TSHZ2: variants seen among roughly 807,000 people sequenced by gnomAD.
TSHZ2 encodes teashirt zinc finger homeobox 2, also known as teashirt homolog 2.
A neutral mutation model predicts 74.4 loss-of-function variants in TSHZ2; 21 were observed. The ratio of observed to expected loss-of-function variants is 0.28; its 90% CI spans 0.20 to 0.41. TSHZ2 has a LOEUF of 0.41. TSHZ2 is among the 10% of genes least tolerant of loss of function. The pLI is 1.00. For missense variants in TSHZ2, 1,244 were observed against 1,293.5 expected, an observed-to-expected ratio of 0.96 and a Z score of 0.59; for synonymous variants, 540 against 515.3, an observed-to-expected ratio of 1.05 and a Z score of -0.65.
intron 2 of TSHZ2, among the ~76,000 whole-genome samples, chr20:53,390,977 G>A (rs374442422): frequency 3.3e-5 from 5 of 152,206 alleles, no homozygotes; most frequent in African/African-American, 9.6e-5. Flanking sequence ...GATGCAATGT[G>A]AAGCAGCCAT....
intron 2 of TSHZ2, among the ~76,000 whole-genome samples, chr20:53,277,440 A>G (rs146239252): frequency 1.3e-5 from 2 of 150,504 alleles, no homozygotes; most frequent in African/African-American, 2.5e-5. Context: ...TGCAAAAAAA[A>G]CCAAAAAACT....
intron 2 of TSHZ2, among the ~76,000 whole-genome samples, chr20:53,305,029 A>G (rs1485443836): frequency 2.1e-5 from 3 of 145,130 alleles, no homozygotes; most frequent in Admixed American, 6.8e-5. Flanking sequence ...TCCGCCTCCC[A>G]GGTTCACGCC....
At chr20:53,260,433 T>C (rs1410366296) in intron 2 of TSHZ2, among the ~76,000 whole-genome samples, 1 of 152,140 alleles carries the variant, frequency 6.6e-6, no homozygotes, top group Non-Finnish European at 1.5e-5. Context: ...ACTGTGCTAA[T>C]TCCCAGGGAG....
chr20:53,348,728 A>G (rs547271078), intron 2 of TSHZ2, among the ~76,000 whole-genome samples: 3 of 152,308 alleles, frequency 2.0e-5, no homozygotes, highest in South Asian at 2.1e-4. Flanking sequence ...GTTTTGTTTC[A>G]ATGTCAAGCT....
chr20:53,359,768 T>C (rs926835895), intron 2 of TSHZ2, among the ~76,000 whole-genome samples: 2 of 151,976 alleles, frequency 1.3e-5, no homozygotes, highest in Admixed American at 1.3e-4. Flanking sequence ...GGAGATCAAG[T>C]CAGAAAGGCA....
intron 1 of TSHZ2, among the ~76,000 whole-genome samples, chr20:53,145,045 A>G (rs1263476445): frequency 1.3e-5 from 2 of 152,242 alleles, no homozygotes; most frequent in Non-Finnish European, 2.9e-5. Context: ...ATGTAATTCC[A>G]CAAGAATGTA....
chr20:53,456,123 G>A (rs1433676598), intron 2 of TSHZ2, among the ~76,000 whole-genome samples: 1 of 151,866 alleles, frequency 6.6e-6, no homozygotes, highest in East Asian at 1.9e-4. Flanking sequence ...CTAGATCCCT[G>A]AGGAATCGCC....
At chr20:53,366,221 T>C (rs555839293) in intron 2 of TSHZ2, among the ~76,000 whole-genome samples, 2 of 152,336 alleles carry the variant, frequency 1.3e-5, no homozygotes, top group South Asian at 4.1e-4. Flanking sequence ...CTGCCCACTG[T>C]GGAGACAAAG....
chr20:53,415,824 A>ACACG (rs1555860962), intron 2 of TSHZ2, among the ~76,000 whole-genome samples: 60 of 116,136 alleles, frequency 5.2e-4, no homozygotes, highest in African/African-American at 1.7e-3. Flanking sequence ...ACACACACGC[A>ACACG]CACACAGGCA....
intron 2 of TSHZ2, among the ~76,000 whole-genome samples, chr20:53,281,568 A>G (rs1195768013): frequency 6.6e-6 from 1 of 152,184 alleles, no homozygotes; most frequent in Non-Finnish European, 1.5e-5. Flanking sequence ...GGAGGGCCAG[A>G]TTTGGCCCAC....
intron 2 of TSHZ2, among the ~76,000 whole-genome samples, chr20:53,334,806 C>T (rs1017427106): frequency 2.0e-5 from 3 of 152,042 alleles, no homozygotes; most frequent in Non-Finnish European, 4.4e-5. Context: ...GCCTCAGCCT[C>T]CCGAGTGGCT....
chr20:53,303,563 A>C (rs1188915775), intron 2 of TSHZ2, among the ~76,000 whole-genome samples: 1 of 152,212 alleles, frequency 6.6e-6, no homozygotes, highest in Non-Finnish European at 1.5e-5. Context: ...GATATGCTCA[A>C]ACTCCCACCC....
intron 1 of TSHZ2, among the ~76,000 whole-genome samples, chr20:53,191,882 T>C (rs908833934): frequency 2.0e-5 from 3 of 152,236 alleles, no homozygotes; most frequent in Non-Finnish European, 4.4e-5. Flanking sequence ...TGTTTCTATA[T>C]TGATGAGTCT....
chr20:52,983,050 A>G (rs984556497), intron 1 of TSHZ2, among the ~76,000 whole-genome samples: 4 of 152,226 alleles, frequency 2.6e-5, no homozygotes, highest in African/African-American at 4.8e-5. Context: ...TTAGGATGAT[A>G]GAGGTGGCAG....
chr20:53,031,507 T>C (rs1427094443), intron 1 of TSHZ2, among the ~76,000 whole-genome samples: 4 of 152,058 alleles, frequency 2.6e-5, no homozygotes, highest in African/African-American at 9.7e-5. Context: ...GAACAGGAAT[T>C]GTCTGGGTTT....
chr20:53,142,898 G>A (rs1293416), intron 1 of TSHZ2, among the ~76,000 whole-genome samples: 23 of 151,984 alleles, frequency 1.5e-4, no homozygotes, highest in Admixed American at 2.6e-4. Flanking sequence ...TGAGCACTTG[G>A]GCCAAAAATA....
At chr20:53,478,227 G>A (rs1986039974) in intron 2 of TSHZ2, among the ~76,000 whole-genome samples, 1 of 150,748 alleles carries the variant, frequency 6.6e-6, no homozygotes, top group Admixed American at 6.6e-5. Flanking sequence ...GTTTATTGTG[G>A]CATTATTCAC....
At chr20:53,028,688 T>C (rs1437460409) in intron 1 of TSHZ2, among the ~76,000 whole-genome samples, 3 of 152,158 alleles carry the variant, frequency 2.0e-5, no homozygotes, top group African/African-American at 2.4e-5. Flanking sequence ...GCCTGCCGGA[T>C]TGTGAGATGT....
intron 2 of TSHZ2, among the ~76,000 whole-genome samples, chr20:53,449,671 T>C (rs2145778583): frequency 6.6e-6 from 1 of 152,352 alleles, no homozygotes; most frequent in East Asian, 1.9e-4. Flanking sequence ...CTGTTCCATC[T>C]TCACATATTA....
Sources: allele counts gnomAD v4.1 joint callset (sites outside exome capture counted in the v4.1 genomes callset), GRCh38; gene constraint gnomAD v4.1.1; transcripts MANE v1.5; gene names NCBI Gene and HGNC (gene_info 2026-07-23, HGNC 2026-07-21).